Variants in TRAPPC9 observed in about 807,000 individuals in gnomAD.
TRAPPC9 encodes the protein IKK2 binding protein.
Under a neutral mutation model 124.0 loss-of-function variants are expected in TRAPPC9, and 83 were observed. The observed-to-expected ratio is 0.67, with a 90% CI of 0.56 to 0.80. The LOEUF is 0.80. TRAPPC9 is among the 30% of genes least tolerant of loss of function. The probability of loss-of-function intolerance (pLI) is 0.00; values close to 1 mark genes in which losing one functional copy is unlikely to be tolerated. For missense variants in TRAPPC9, 1,302 were observed against 1,508.3 expected, an observed-to-expected ratio of 0.86 and a Z score of 2.27; for synonymous variants, 638 against 617.5, an observed-to-expected ratio of 1.03 and a Z score of -0.49.
chr8:140,346,048 T>C (rs2067340304), intron 9 of TRAPPC9, among the ~76,000 whole-genome samples: 2 of 151,636 alleles, frequency 1.3e-5, no homozygotes, highest in African/African-American at 4.9e-5. Flanking sequence ...ACTGGAAGAG[T>C]TAAGGAAACA....
At position 140,456,710 on chromosome 8, in the gene TRAPPC9, T is replaced by C. The variant is rs544326416; in HGVS notation, c.-11+929A>G. 80 of 746,528 alleles carry C rather than the reference T, an allele frequency of 1.1e-4. No homozygotes were observed. In the East Asian group the frequency reaches 3.8e-3, roughly 35 times the overall value. 46.2% of individuals were successfully genotyped at this position (746,528 alleles called of 1,614,324 possible). A position where few individuals can be genotyped will look rare whatever the true frequency, so the allele number is the denominator to read the frequency against. ...TTCAGGTTAACAAATAAAGATGTCA[T>C]AGGTAGCTATGACTACCTTAGAAAC... On this transcript the variant is annotated intron_variant, in intron 1 of 22. Coordinates refer to ENST00000438773, the MANE Select transcript of TRAPPC9 (RefSeq NM_001160372.4).
chr8:140,123,408 C>A (rs2061023762), intron 17 of TRAPPC9, among the ~76,000 whole-genome samples: 1 of 152,204 alleles, frequency 6.6e-6, no homozygotes, highest in Admixed American at 6.5e-5. Context: ...ATGCAGACCT[C>A]AGACCCCTGC....
intron 21 of TRAPPC9, among the ~76,000 whole-genome samples, chr8:139,830,236 GCACA>G (rs747656627): frequency 6.6e-6 from 1 of 150,830 alleles, no homozygotes; most frequent in African/African-American, 2.4e-5. Flanking sequence ...GCATACACAT[GCACA>G]CACACACTAC....
intron 17 of TRAPPC9, among the ~76,000 whole-genome samples, chr8:140,114,355 C>G (rs1223212812): frequency 6.9e-6 from 1 of 144,684 alleles, no homozygotes; most frequent in Non-Finnish European, 1.5e-5. Flanking sequence ...AAAAAAACCT[C>G]ACAAAAGAAA....
chr8:140,207,210 C>T (rs2062945600), intron 17 of TRAPPC9, among the ~76,000 whole-genome samples: 1 of 152,168 alleles, frequency 6.6e-6, no homozygotes, highest in South Asian at 2.1e-4. Flanking sequence ...AGTAACCCGT[C>T]CACTCTAACA....
At chr8:140,201,335 G>C (rs2062784810) in intron 17 of TRAPPC9, among the ~76,000 whole-genome samples, 1 of 152,236 alleles carries the variant, frequency 6.6e-6, no homozygotes, top group Non-Finnish European at 1.5e-5. Flanking sequence ...GTAGTTTCTT[G>C]AGAGAAGGTC....
At chr8:140,168,199 T>C (rs557260372) in intron 17 of TRAPPC9, among the ~76,000 whole-genome samples, 3 of 152,342 alleles carry the variant, frequency 2.0e-5, no homozygotes, top group African/African-American at 7.2e-5. Flanking sequence ...ATCACGTACT[T>C]TGATCATTTC....
chr8:140,387,770 T>C (rs1252583469), intron 7 of TRAPPC9, among the ~76,000 whole-genome samples: 3 of 152,172 alleles, frequency 2.0e-5, no homozygotes, highest in Non-Finnish European at 2.9e-5. Context: ...TTTTACACTG[T>C]TGGTGGGACT....
chr8:140,268,847 C>T (rs2064779439), intron 15 of TRAPPC9, among the ~76,000 whole-genome samples: 1 of 152,134 alleles, frequency 6.6e-6, no homozygotes, highest in Admixed American at 6.5e-5. Flanking sequence ...ACCATGTTGA[C>T]GGTCTCGGCA....
chr8:139,729,575 C>T lies in TRAPPC9; in HGVS notation c.*1486G>A, dbSNP rs1228634072. On this transcript the variant is annotated 3_prime_UTR_variant, in exon 23 of 23. Transcript: ENST00000438773. The stretch of plus-strand genomic sequence containing the variant: ...CCCCACATGCCCCCAGCCCACACCA[C>T]ATCACAGTGTGCTCCCATCATTCAC... Among the ~76,000 whole-genome samples the T allele has an allele frequency of 1.3e-5, 2 of 152,254 alleles. No homozygotes were observed. The highest frequency in any genetic ancestry group is 4.8e-5 in the African/African-American group (2 of 41,476).
intron 16 of TRAPPC9, among the ~76,000 whole-genome samples, chr8:140,225,046 G>A (rs192483343): frequency 1.3e-5 from 2 of 152,206 alleles, no homozygotes; most frequent in Admixed American, 1.3e-4. Flanking sequence ...ATACTGTGAG[G>A]TTATACAGAA....
chr8:139,877,331 T>C (rs1194158031), intron 21 of TRAPPC9, among the ~76,000 whole-genome samples: 1 of 152,220 alleles, frequency 6.6e-6, no homozygotes, highest in East Asian at 1.9e-4. Flanking sequence ...GCCTGGAAGA[T>C]GGTCCTCAAA....
chr8:140,008,891 G>A (rs1838937665), intron 18 of TRAPPC9, among the ~76,000 whole-genome samples: 1 of 152,176 alleles, frequency 6.6e-6, no homozygotes, highest in South Asian at 2.1e-4. Flanking sequence ...CAGTAGGAAA[G>A]GCTGGGTATA....
At chr8:140,451,417 C>G (rs762539358) in intron 1 of TRAPPC9, 34 bp from the exon 2 acceptor site, 2 of 1,567,142 alleles carry the variant, frequency 1.3e-6, no homozygotes, top group Non-Finnish European at 1.7e-6. Flanking sequence ...CTGTGAGACA[C>G]AGAGTCCTGA....
intron 17 of TRAPPC9, among the ~76,000 whole-genome samples, chr8:140,217,220 G>A (rs570185035): frequency 4.6e-5 from 7 of 152,310 alleles, no homozygotes; most frequent in East Asian, 1.9e-4. Flanking sequence ...AAGGGAGAGC[G>A]CCACATCTGG....
chr8:139,946,279 T>C (rs879641292), intron 19 of TRAPPC9, among the ~76,000 whole-genome samples: 66 of 152,248 alleles, frequency 4.3e-4, no homozygotes, highest in Non-Finnish European at 8.4e-4. Flanking sequence ...TTCCTCACTG[T>C]GGAATTACTT....
chr8:140,117,665 G>A (rs973811383), intron 17 of TRAPPC9, among the ~76,000 whole-genome samples: 1 of 152,116 alleles, frequency 6.6e-6, no homozygotes, highest in African/African-American at 2.4e-5. Flanking sequence ...GTTTTGGAGA[G>A]AACAAACATT....
At chr8:139,947,556 T>C (rs1277253945) in intron 19 of TRAPPC9, among the ~76,000 whole-genome samples, 1 of 152,066 alleles carries the variant, frequency 6.6e-6, no homozygotes, top group Non-Finnish European at 1.5e-5. Context: ...AAATCTTGTA[T>C]AATTAAAAAT....
chr8:139,813,686 A>G (rs531963276), intron 21 of TRAPPC9, among the ~76,000 whole-genome samples: 1 of 152,356 alleles, frequency 6.6e-6, no homozygotes, highest in East Asian at 1.9e-4. Flanking sequence ...TGCCCAGGTC[A>G]GCAAGGCAGG....
Sources: allele counts gnomAD v4.1 joint callset (sites outside exome capture counted in the v4.1 genomes callset), GRCh38; gene constraint gnomAD v4.1.1; transcripts MANE v1.5; gene names NCBI Gene and HGNC (gene_info 2026-07-23, HGNC 2026-07-21).